The following ZNF275 variants were observed in gnomAD, a reference collection of about 807,000 sequenced individuals.
The protein encoded by ZNF275 is zinc finger protein 275.
Under a neutral mutation model 4.3 loss-of-function variants are expected in ZNF275, and 4 were observed. The ratio of observed to expected loss-of-function variants is 0.93; its 90% CI spans 0.46 to 2.13. The LOEUF (loss-of-function observed/expected upper bound fraction) is 2.13, where lower values mean the gene tolerates loss of function less well. Among genes scored for constraint, ZNF275 ranks in the 30% most tolerant of loss-of-function variants. The pLI, the probability that ZNF275 is intolerant of heterozygous loss-of-function variation, is 0.02. For synonymous variants in ZNF275, 173 were observed against 166.9 expected, an observed-to-expected ratio of 1.04 and a Z score of -0.28; for missense variants, 352 against 397.1, an observed-to-expected ratio of 0.89 and a Z score of 0.97.
In ZNF275 at chrX:153,349,805, C is replaced by T. The variant is rs1214761221; in HGVS notation, c.*1830C>T. ...CTTTCCTCATCCGAGATGCGGACTC[C>T]CTGTCTATCTGTGGGCACCACTTGA... On this transcript the variant is annotated 3_prime_UTR_variant, in exon 4 of 4. Coordinates refer to ENST00000650114, the MANE Select transcript of ZNF275 (RefSeq NM_001367757.1). The T allele has an allele frequency of 2.4e-5, 3 of 123,443 alleles. No individual in the cohort carries two copies. Among genetic ancestry groups the T allele is most frequent in the African/African-American group, 9.7e-5 (3 of 30,818 alleles). The allele number at this position is 123,443 out of a possible 1,213,427, so 10.2% of individuals were successfully genotyped here. A position where few individuals can be genotyped will look rare whatever the true frequency, so the allele number is the denominator to read the frequency against.
chrX:153,337,303 T>C (rs2088452859), intron 2 of ZNF275, among the ~76,000 whole-genome samples: 2 of 111,845 alleles, frequency 1.8e-5, no homozygotes, highest in African/African-American at 6.5e-5. Flanking sequence ...CGCTGGTCTT[T>C]AGGCTCAGAA....
chrX:153,342,447 G>A (rs1404593684), intron 2 of ZNF275, among the ~76,000 whole-genome samples: 6 of 111,910 alleles, frequency 5.4e-5, no homozygotes, highest in Admixed American at 9.5e-5. Context: ...GCTTTTTGGC[G>A]TTTCAGTAAC....
intron 2 of ZNF275, chrX:153,344,848 C>T (rs1255571662): frequency 2.9e-6 from 1 of 346,569 alleles, no homozygotes; most frequent in African/African-American, 2.6e-5. Context: ...ACATGGCTAC[C>T]CCCACAGAAG....
At position 153,348,046 on chromosome X, in the gene ZNF275, A is replaced by C; in HGVS notation, c.*71A>C. 1 of 1,011,331 alleles carries C rather than the reference A, an allele frequency of 9.9e-7. No individual in the cohort carries two copies. The highest frequency in any genetic ancestry group is 1.3e-6 in the Non-Finnish European group (1 of 773,612). The allele number at this position is 1,011,331 out of a possible 1,213,427, so 83.3% of individuals were successfully genotyped here. A position where few individuals can be genotyped will look rare whatever the true frequency, so the allele number is the denominator to read the frequency against. On this transcript the variant is annotated 3_prime_UTR_variant, in exon 4 of 4. Transcript: ENST00000650114. The stretch of plus-strand genomic sequence containing the variant: ...GATGGCAGAGTCAAAGGAGATGAAC[A>C]GTTTTGTAGCGCTTATATATTTTGT...
At position 153,348,081 on chromosome X, in the gene ZNF275, G is replaced by A. The variant is rs1039448401; in HGVS notation, c.*106G>A. The A allele has an allele frequency of 3.6e-6, 3 of 834,372 alleles. No homozygotes were observed. The highest frequency in any genetic ancestry group is 4.8e-6 in the Non-Finnish European group (3 of 626,234). 68.8% of individuals were successfully genotyped at this position (834,372 alleles called of 1,213,427 possible). A position where few individuals can be genotyped will look rare whatever the true frequency, so the allele number is the denominator to read the frequency against. ...CGCTTATATATTTTGTCTTCCAAAA[G>A]GTTGAGACCGATTTATACTGCCACC... On this transcript the variant is annotated 3_prime_UTR_variant, in exon 4 of 4. Transcript: ENST00000650114.
chrX:153,335,123 A>AC (rs1222704545), intron 1 of ZNF275, among the ~76,000 whole-genome samples: 1 of 102,784 alleles, frequency 9.7e-6, no homozygotes, highest in Non-Finnish European at 2.0e-5. Context: ...TTCCACACAC[A>AC]CCCCCCACTC....
rs2088556001 is a variant in ZNF275, at chrX:153,351,496, G to A, written c.*3521G>A. On this transcript the variant is annotated 3_prime_UTR_variant, in exon 4 of 4. Transcript: ENST00000650114. Reference sequence around the variant, plus strand: ...CGATCCTTTTGTAGTTCATACACATGACAATTGGGTTTCCACGCACGTGCA... The same window carrying A: ...CGATCCTTTTGTAGTTCATACACATAACAATTGGGTTTCCACGCACGTGCA... 1 of 113,556 alleles carries A rather than the reference G, an allele frequency of 8.8e-6. No individual in the cohort carries two copies. Among genetic ancestry groups the A allele is most frequent in the Non-Finnish European group, 1.9e-5 (1 of 52,969 alleles). The allele number at this position is 113,556 out of a possible 1,213,427, so 9.4% of individuals were successfully genotyped here. A position where few individuals can be genotyped will look rare whatever the true frequency, so the allele number is the denominator to read the frequency against.
intron 2 of ZNF275, chrX:153,344,605 C>G (rs1300910150): frequency 2.7e-6 from 1 of 372,523 alleles, no homozygotes; most frequent in Non-Finnish European, 5.2e-6. Flanking sequence ...CCTGGCATTA[C>G]TGGCGCTGCC....
Position 153,340,172 on chromosome X carries a change from G to A in ZNF275, c.31+3462G>A, listed in dbSNP as rs373836896. On this transcript the variant is annotated intron_variant, in intron 2 of 3. Coordinates refer to ENST00000650114, the MANE Select transcript of ZNF275 (RefSeq NM_001367757.1). ...GTGGGACAGAGAGGGTGTGGCTGCT[G>A]AGCACCCGAGGATGAACACGATCTC... Among the ~76,000 whole-genome samples, 4 of 112,376 alleles carry A rather than the reference G, an allele frequency of 3.6e-5. 1 individual carries two copies. The highest frequency in any genetic ancestry group is 3.2e-5 in the African/African-American group (1 of 30,982).
Position 153,346,800 on chromosome X carries a change from C to T in ZNF275, c.134-19C>T, listed in dbSNP as rs185042022. On this transcript the variant is annotated intron_variant, in intron 3 of 3. Transcript: ENST00000650114. Reference sequence around the variant, plus strand: ...CTTCATCCTCTGCAGACTACACTGCCTTGTGTTTATCGTTTCAGAAAGCAC... The same window carrying T: ...CTTCATCCTCTGCAGACTACACTGCTTTGTGTTTATCGTTTCAGAAAGCAC... 66 of 1,175,504 alleles carry T rather than the reference C, an allele frequency of 5.6e-5. No homozygotes were observed. The East Asian group carries it at 1.9e-3, about 35-fold the overall frequency.
At chrX:153,346,496 T>C (rs1556961568) in intron 3 of ZNF275, among the ~76,000 whole-genome samples, 1 of 110,225 alleles carries the variant, frequency 9.1e-6, no homozygotes, top group African/African-American at 3.3e-5. Context: ...GCAGGGCCCT[T>C]TGGAGATTCA....
At chrX:153,337,776 A>C (rs1171494013) in intron 2 of ZNF275, among the ~76,000 whole-genome samples, 1 of 111,970 alleles carries the variant, frequency 8.9e-6, no homozygotes, top group Non-Finnish European at 1.9e-5. Context: ...GCTTTCTGGG[A>C]GTTTATAGTC....
chrX:153,345,142 G>C lies in ZNF275; in HGVS notation c.32-378G>C, dbSNP rs2088504511. 6 of 194,543 alleles carry C rather than the reference G, an allele frequency of 3.1e-5. No homozygotes were observed. In the South Asian group the frequency reaches 5.3e-4, roughly 17 times the overall value. The allele number at this position is 194,543 out of a possible 1,213,427, so 16.0% of individuals were successfully genotyped here. ...TAGGGGTCTGCATGTGTGCAGTGGGGAGGAGGTTTTAGGAGGAGAGACGTT... is the reference window on the plus strand; with the variant it reads ...TAGGGGTCTGCATGTGTGCAGTGGGCAGGAGGTTTTAGGAGGAGAGACGTT... On this transcript the variant is annotated intron_variant, in intron 2 of 3. Coordinates refer to ENST00000650114, the MANE Select transcript of ZNF275 (RefSeq NM_001367757.1).
At position 153,349,830 on chromosome X, in the gene ZNF275, A is replaced by G. The variant is rs1282360794; in HGVS notation, c.*1855A>G. 8.1e-6 allele frequency: 1 copy of G among 123,171 alleles called. No individual in the cohort carries two copies. Among genetic ancestry groups the G allele is most frequent in the Non-Finnish European group, 1.9e-5 (1 of 53,198 alleles). 10.2% of individuals were successfully genotyped at this position (123,171 alleles called of 1,213,427 possible). On this transcript the variant is annotated 3_prime_UTR_variant, in exon 4 of 4. Transcript: ENST00000650114. ...CCTGTCTATCTGTGGGCACCACTTG[A>G]CTATCCAACCTGACCACTGCGGCAC...
rs781852052 is a variant in ZNF275 at position 153,347,101 on chromosome X, G to A, written c.416G>A (p.Arg139Lys). Residue 139 changes from arginine to lysine, a missense_variant, in exon 4 of 4, where the codon AGG becomes AAG. Coordinates refer to ENST00000650114, the MANE Select transcript of ZNF275 (RefSeq NM_001367757.1). ...WECGDCGKVF[R>K]GVAEFNEHRK... is the part of the protein sequence containing the mutation. ...TGTGGCGACTGCGGGAAGGTCTTTA[G>A]GGGGGTGGCGGAGTTTAATGAGCAC... The A allele has an allele frequency of 1.8e-5, 22 of 1,211,442 alleles. No homozygotes were observed. In the Admixed American group the frequency reaches 4.8e-4, roughly 26 times the overall value.
Position 153,347,815 on chromosome X carries a change from A to G in ZNF275, c.1130A>G (p.Tyr377Cys). The change falls in exon 4 of 4, where the codon TAT (tyrosine) becomes TGT (cysteine). Residue 377 changes from tyrosine to cysteine, a missense_variant. Coordinates refer to ENST00000650114, the MANE Select transcript of ZNF275 (RefSeq NM_001367757.1). ...CGCATCCACAGCGGACTGAAACCCT[A>G]TGAGTGCGACAAATGCGGCAAGGCC... Reference protein sequence around the residue: ...HRRIHSGLKPYECDKCGKAFR... With the variant: ...HRRIHSGLKPCECDKCGKAFR... 2 of 1,210,127 alleles carry G rather than the reference A, an allele frequency of 1.7e-6. No homozygotes were observed. Among genetic ancestry groups the G allele is most frequent in the African/African-American group, 1.7e-5 (1 of 57,887 alleles).
At chrX:153,346,770 C>T in intron 3 of ZNF275, 49 bp from the exon 4 acceptor site, 1 of 1,105,429 alleles carries the variant, frequency 9.0e-7, no homozygotes, top group South Asian at 2.2e-5. Context: ...AGAGGCCCTT[C>T]CCTCCTTCAT....
chrX:153,346,765 C>A, intron 3 of ZNF275, 54 bp from the exon 4 acceptor site: 1 of 1,083,646 alleles, frequency 9.2e-7, no homozygotes, highest in Non-Finnish European at 1.2e-6. Context: ...AAAGGAGAGG[C>A]CCTTCCCTCC....
rs782139206 is a variant in ZNF275, at chrX:153,336,728, T to C, written c.31+18T>C. On this transcript the variant is annotated intron_variant, in intron 2 of 3. Transcript: ENST00000650114. ...TCTTTTGGGTAAGTCTGGGTGTTTA[T>C]GCATGGTGTCTGCTGGCTTTGACGC... The C allele has an allele frequency of 5.2e-6, 6 of 1,164,638 alleles. No individual in the cohort carries two copies. Among genetic ancestry groups the C allele is most frequent in the Admixed American group, 2.6e-5 (1 of 38,491 alleles).
Sources: gnomAD v4.1 joint callset for allele counts (sites outside exome capture counted in the v4.1 genomes callset) on GRCh38, gnomAD v4.1.1 for gene constraint, MANE v1.5 for transcripts, NCBI Gene and HGNC (gene_info 2026-07-23, HGNC 2026-07-21) for gene names.